The following CACNA1E variants were observed in gnomAD, a reference collection of about 807,000 sequenced individuals.
CACNA1E encodes calcium voltage-gated channel subunit alpha1 E, also known as voltage-dependent R-type calcium channel subunit alpha-1E.
Under a neutral mutation model 259.2 loss-of-function variants are expected in CACNA1E, and 40 were observed. That is an observed-to-expected ratio of 0.15 (90% CI 0.12 to 0.20). The LOEUF (loss-of-function observed/expected upper bound fraction) is 0.20. Among genes scored for constraint, CACNA1E ranks in the 10% least tolerant of loss-of-function variants. The pLI is 1.00. For synonymous variants in CACNA1E, 1,104 were observed against 1,138.5 expected (o/e 0.97, Z 0.61); for missense variants, 1,874 against 3,040.1 (o/e 0.62, Z 9.02).
At chr1:181,795,102 CACTTACTCTCCAAGG>C in intron 46 of CACNA1E, 58 bp downstream of exon 46, 1 of 1,393,226 alleles carries the variant, frequency 7.2e-7, no homozygotes, top group African/African-American at 1.4e-5. Context: ...TGCCCTGATG[CACTTACTCTCCAAGG>C]ACTGTAGATA....
At chr1:181,574,492 G>A (rs1431696386) in intron 3 of CACNA1E, among the ~76,000 whole-genome samples, 3 of 152,102 alleles carry the variant, frequency 2.0e-5, no homozygotes, top group East Asian at 1.9e-4. Flanking sequence ...TTTAATCAGT[G>A]CAATTCAAGT....
intron 6 of CACNA1E, among the ~76,000 whole-genome samples, chr1:181,618,479 T>C (rs934407718): frequency 6.6e-6 from 1 of 152,092 alleles, no homozygotes; most frequent in African/African-American, 2.4e-5. Context: ...GCAGGAGAAT[T>C]GCTTGAACCT....
chr1:181,648,285 A>G (rs1442092595), intron 6 of CACNA1E, among the ~76,000 whole-genome samples: 2 of 152,246 alleles, frequency 1.3e-5, no homozygotes, highest in East Asian at 3.8e-4. Context: ...ATGAGCAGAC[A>G]GTTAAGGTTT....
intron 7 of CACNA1E, 73 bp from the exon 8 acceptor site, chr1:181,710,881 G>C: frequency 9.4e-7 from 1 of 1,068,610 alleles, no homozygotes; most frequent in Non-Finnish European, 1.5e-6. Flanking sequence ...CTCTCTCTCT[G>C]TTGCTTGATT....
At chr1:181,796,533 G>A (rs75602639) in intron 46 of CACNA1E, 135 bp from the exon 47 acceptor site, 10 of 578,316 alleles carry the variant, frequency 1.7e-5, no homozygotes, top group South Asian at 2.8e-5. Flanking sequence ...TTTGAATTTG[G>A]GGGGGGACAC....
chr1:181,764,137 G>A (rs955752455), intron 34 of CACNA1E, among the ~76,000 whole-genome samples: 1 of 152,114 alleles, frequency 6.6e-6, no homozygotes, highest in African/African-American at 2.4e-5. Flanking sequence ...GCACAGTCTC[G>A]TGGAGCTGTA....
At chr1:181,778,758 G>A (rs962573602) in intron 38 of CACNA1E, among the ~76,000 whole-genome samples, 2 of 152,294 alleles carry the variant, frequency 1.3e-5, no homozygotes, top group African/African-American at 2.4e-5. Context: ...AGAGGGCTGC[G>A]GGGAGAGTGT....
Position 181,800,442 on chromosome 1 carries a change from T to G in CACNA1E, c.*1608T>G, listed in dbSNP as rs2102921690. The G allele has an allele frequency of 6.5e-6, 1 of 152,770 alleles. No homozygotes were observed. The highest frequency in any genetic ancestry group is 1.9e-4 in the East Asian group (1 of 5,174). The allele number at this position is 152,770 out of a possible 1,614,324, so 9.5% of individuals were successfully genotyped here. A position where few individuals can be genotyped will look rare whatever the true frequency, so the allele number is the denominator to read the frequency against. ...TCTTGCCAAGCCAGTGCTCTTTTGG[T>G]ATATGGCATACAGCTCCATTGGAGG... On this transcript the variant is annotated 3_prime_UTR_variant, in exon 48 of 48. Coordinates refer to ENST00000367573, the MANE Select transcript of CACNA1E (RefSeq NM_001205293.3).
chr1:181,719,330 A>G (rs1214522596), intron 12 of CACNA1E, among the ~76,000 whole-genome samples: 1 of 152,248 alleles, frequency 6.6e-6, no homozygotes, highest in Non-Finnish European at 1.5e-5. Context: ...GATATTTATT[A>G]TATCAAGGAC....
At chr1:181,542,017 G>A (rs1668621310) in intron 3 of CACNA1E, among the ~76,000 whole-genome samples, 1 of 152,272 alleles carries the variant, frequency 6.6e-6, no homozygotes, top group East Asian at 1.9e-4. Flanking sequence ...CACTTGCTTG[G>A]TGGGGAAGCA....
At chr1:181,779,293 C>T (rs544890774) in intron 38 of CACNA1E, 4 of 247,016 alleles carry the variant, frequency 1.6e-5, no homozygotes, top group South Asian at 1.4e-4. Flanking sequence ...CTGGTGCTTA[C>T]TGTTTTCAGT....
At position 181,507,794 on chromosome 1, in the gene CACNA1E, T is replaced by A. The variant is rs140246894; in HGVS notation, c.267-2683T>A. ...TGCAGCTTGAACGAGAAAGTACTTG[T>A]GCCCAGTCCTACCTTCCAGGGCAGG... On this transcript the variant is annotated intron_variant, in intron 1 of 47. Transcript: ENST00000367573. 7.3e-3 allele frequency among the ~76,000 whole-genome samples: 1,114 copies of A among 152,314 alleles called. 7 individuals carry two copies. Among genetic ancestry groups the A allele is most frequent in the Non-Finnish European group, 0.011 (767 of 68,018 alleles).
chr1:181,440,939 C>A (rs1008253631), intron 2 of CACNA1E, among the ~76,000 whole-genome samples: 1 of 136,686 alleles, frequency 7.3e-6, no homozygotes, highest in Non-Finnish European at 1.5e-5. Flanking sequence ...CATGGTCATG[C>A]CATTGCACTC....
At chr1:181,420,314 A>G (rs910620950) in intron 2 of CACNA1E, among the ~76,000 whole-genome samples, 1 of 152,126 alleles carries the variant, frequency 6.6e-6, no homozygotes, top group African/African-American at 2.4e-5. Flanking sequence ...TTTCTTGTAC[A>G]GAATGTTGTT....
chr1:181,693,136 A>AGC (rs2102333513), intron 7 of CACNA1E, among the ~76,000 whole-genome samples: 1 of 150,574 alleles, frequency 6.6e-6, no homozygotes, highest in African/African-American at 2.4e-5. Context: ...AGCAAAAAAA[A>AGC]AAAAAAAAAA....
chr1:181,370,314 G>A (rs1304670837), intron 1 of CACNA1E, among the ~76,000 whole-genome samples: 4 of 150,408 alleles, frequency 2.7e-5, no homozygotes, highest in African/African-American at 9.8e-5. Flanking sequence ...GGTTCAGAGA[G>A]TACATGTGGA....
At chr1:181,631,869 A>G (rs1000554644) in intron 6 of CACNA1E, among the ~76,000 whole-genome samples, 1 of 152,194 alleles carries the variant, frequency 6.6e-6, no homozygotes. Context: ...CCACATGGGC[A>G]TTCCTAGATC....
At chr1:181,666,966 AAC>A (rs966384392) in intron 7 of CACNA1E, among the ~76,000 whole-genome samples, 1 of 152,120 alleles carries the variant, frequency 6.6e-6, no homozygotes. Flanking sequence ...ATTCAAAGAA[AAC>A]ACAGACAATT....
At chr1:181,753,295 C>T (rs1229672310) in intron 27 of CACNA1E, among the ~76,000 whole-genome samples, 5 of 152,204 alleles carry the variant, frequency 3.3e-5, no homozygotes, top group East Asian at 1.9e-4. Flanking sequence ...TGCTGACAAC[C>T]GCAACACAAC....
Sources: gnomAD v4.1 joint callset for allele counts (sites outside exome capture counted in the v4.1 genomes callset) on GRCh38, gnomAD v4.1.1 for gene constraint, MANE v1.5 for transcripts, NCBI Gene and HGNC (gene_info 2026-07-23, HGNC 2026-07-21) for gene names.